The following CELF4 variants were observed in gnomAD, a reference collection of about 807,000 sequenced individuals.
The protein encoded by CELF4 is CUG-BP- and ETR-3-like factor 4.
Under a neutral mutation model 59.9 loss-of-function variants are expected in CELF4, and 18 were observed. The observed-to-expected ratio is 0.30, with a 90% CI of 0.21 to 0.45. The LOEUF (loss-of-function observed/expected upper bound fraction) is 0.45, where lower values mean the gene tolerates loss of function less well. Ranked by LOEUF, CELF4 falls within the 20% of genes least tolerant of loss-of-function variation. The pLI, the probability that CELF4 is intolerant of heterozygous loss-of-function variation, is 1.00. For missense variants in CELF4, 456 were observed against 689.0 expected, an observed-to-expected ratio of 0.66 and a Z score of 3.79; for synonymous variants, 261 against 267.1, an observed-to-expected ratio of 0.98 and a Z score of 0.22.
chr18:37,388,267 G>A (rs1314930073), intron 2 of CELF4, among the ~76,000 whole-genome samples: 5 of 152,118 alleles, frequency 3.3e-5, no homozygotes, highest in South Asian at 4.1e-4. Flanking sequence ...GCACCATTGC[G>A]TGAAGAGATG....
chr18:37,321,771 A>G, intron 3 of CELF4, 32 bp downstream of exon 3: 4 of 1,454,048 alleles, frequency 2.8e-6, no homozygotes, highest in South Asian at 2.4e-5. Flanking sequence ...TGAGAGGGGG[A>G]GGGGGAGGGG....
chr18:37,374,300 T>C (rs1394278370), intron 2 of CELF4, among the ~76,000 whole-genome samples: 1 of 152,256 alleles, frequency 6.6e-6, no homozygotes, highest in Non-Finnish European at 1.5e-5. Context: ...GTTTGGGGTC[T>C]GTGCTGCCCT....
At chr18:37,413,128 T>G (rs2099489418) in intron 2 of CELF4, among the ~76,000 whole-genome samples, 1 of 152,204 alleles carries the variant, frequency 6.6e-6, no homozygotes, top group African/African-American at 2.4e-5. Context: ...AAATTCATGT[T>G]TAAATTTAAA....
At chr18:37,308,639 A>T (rs2096535439) in intron 3 of CELF4, among the ~76,000 whole-genome samples, 1 of 152,176 alleles carries the variant, frequency 6.6e-6, no homozygotes, top group African/African-American at 2.4e-5. Flanking sequence ...AGGAGCAAGG[A>T]CTGTCCCTCG....
chr18:37,401,768 C>T (rs754528391), intron 2 of CELF4, among the ~76,000 whole-genome samples: 43 of 152,226 alleles, frequency 2.8e-4, no homozygotes, highest in Non-Finnish European at 5.4e-4. Context: ...CACCATCCAG[C>T]GTTCTTCCCA....
chr18:37,298,482 G>T (rs890087490), intron 3 of CELF4, among the ~76,000 whole-genome samples: 1 of 152,122 alleles, frequency 6.6e-6, no homozygotes, highest in Non-Finnish European at 1.5e-5. Flanking sequence ...CACTTTGGGA[G>T]GCCGAGGTGG....
chr18:37,272,972 T>C, intron 7 of CELF4, 44 bp downstream of exon 7: 5 of 1,565,980 alleles, frequency 3.2e-6, no homozygotes, highest in Non-Finnish European at 4.4e-6. Context: ...GGGCCAGCTG[T>C]TCTCCCACCG....
chr18:37,344,204 C>G (rs1172927962), intron 2 of CELF4, among the ~76,000 whole-genome samples: 1 of 152,204 alleles, frequency 6.6e-6, no homozygotes, highest in Non-Finnish European at 1.5e-5. Flanking sequence ...ACAGTAACAC[C>G]AGGTAAAAAC....
rs573337203 is a variant in CELF4 at position 37,565,477 on chromosome 18, C to T, written c.165G>A (p.Lys55=). ...TGCGGGGGATCTGCCCAATGAACAG[C>T]TTGATGGCATCGTGGTCCTTCATGG... ...TIPMKDHDAI[K]LFIGQIPRNL... Residue 55 remains lysine (K), a synonymous_variant, in exon 1 of 13, where the codon AAG becomes AAA. Transcript: ENST00000420428. 9 of 1,614,130 alleles carry T rather than the reference C, an allele frequency of 5.6e-6. No homozygotes were observed. The South Asian group carries it at 6.6e-5, about 12-fold the overall frequency.
At chr18:37,298,325 C>T (rs960333578) in intron 3 of CELF4, among the ~76,000 whole-genome samples, 13 of 152,232 alleles carry the variant, frequency 8.5e-5, no homozygotes, top group Admixed American at 2.0e-4. Flanking sequence ...ACTGCAGTGA[C>T]CTCCTGACTG....
chr18:37,329,300 C>A (rs1310738462), intron 2 of CELF4, among the ~76,000 whole-genome samples: 1 of 152,238 alleles, frequency 6.6e-6, no homozygotes, highest in African/African-American at 2.4e-5. Flanking sequence ...TGGAGTCCCA[C>A]CTGCAACCTT....
At chr18:37,365,962 G>A (rs1002842991) in intron 2 of CELF4, among the ~76,000 whole-genome samples, 1 of 152,210 alleles carries the variant, frequency 6.6e-6, no homozygotes, top group Non-Finnish European at 1.5e-5. Flanking sequence ...TTGACCCTTT[G>A]TGTGAACATG....
At chr18:37,356,999 C>T (rs150794980) in intron 2 of CELF4, among the ~76,000 whole-genome samples, 1 of 152,338 alleles carries the variant, frequency 6.6e-6, no homozygotes, top group East Asian at 1.9e-4. Context: ...TCCAGCCCCT[C>T]TCCTACCCAT....
At chr18:37,470,820 C>A (rs1471515069) in intron 2 of CELF4, among the ~76,000 whole-genome samples, 1 of 144,658 alleles carries the variant, frequency 6.9e-6, no homozygotes, top group Non-Finnish European at 1.5e-5. Flanking sequence ...CAGGCAGATC[C>A]TGACTCTTCA....
At chr18:37,272,411 C>T (rs2091676466) in intron 7 of CELF4, among the ~76,000 whole-genome samples, 1 of 152,144 alleles carries the variant, frequency 6.6e-6, no homozygotes, top group East Asian at 1.9e-4. Flanking sequence ...ACAGCTGAGA[C>T]TCACTGGACT....
chr18:37,390,666 T>A (rs988327082), intron 2 of CELF4, among the ~76,000 whole-genome samples: 2 of 151,776 alleles, frequency 1.3e-5, no homozygotes, highest in Admixed American at 1.3e-4. Flanking sequence ...AGTAAATACT[T>A]ACTGACTGGC....
At chr18:37,532,229 G>T (rs891712197) in intron 1 of CELF4, among the ~76,000 whole-genome samples, 1 of 152,218 alleles carries the variant, frequency 6.6e-6, no homozygotes, top group Non-Finnish European at 1.5e-5. Flanking sequence ...AGGACACCCC[G>T]TGCAGCAGCT....
At chr18:37,505,219 TCTG>T (rs2099936441) in intron 1 of CELF4, among the ~76,000 whole-genome samples, 1 of 152,228 alleles carries the variant, frequency 6.6e-6, no homozygotes, top group African/African-American at 2.4e-5. Context: ...CCAACTTACA[TCTG>T]CTTGACCCAT....
At chr18:37,259,289 G>C (rs558199009) in intron 10 of CELF4, 25 bp from the exon 11 acceptor site, 1 of 888,572 alleles carries the variant, frequency 1.1e-6, no homozygotes, top group Admixed American at 2.1e-5. Context: ...GGGGGTGGGC[G>C]GGGGAGGAGG....
Sources: allele counts gnomAD v4.1 joint callset (sites outside exome capture counted in the v4.1 genomes callset), GRCh38; gene constraint gnomAD v4.1.1; transcripts MANE v1.5; gene names NCBI Gene and HGNC (gene_info 2026-07-23, HGNC 2026-07-21).